The following ZNF365 variants were observed in gnomAD, a reference collection of about 807,000 sequenced individuals.
ZNF365 encodes zinc finger protein 365, also known as protein ZNF365.
Under a neutral mutation model 35.0 loss-of-function variants are expected in ZNF365, and 22 were observed. That is an observed-to-expected ratio of 0.63 (90% CI 0.45 to 0.90). The LOEUF is 0.90. ZNF365 is among the 40% of genes least tolerant of loss of function. The pLI, the probability that ZNF365 is intolerant of heterozygous loss-of-function variation, is 0.00. For synonymous variants in ZNF365, 188 were observed against 196.2 expected (o/e 0.96, Z 0.35); for missense variants, 448 against 500.3 (o/e 0.90, Z 1.00).
chr10:62,433,284 C>A (rs1012267473), intron 3 of ZNF365, among the ~76,000 whole-genome samples: 1 of 152,144 alleles, frequency 6.6e-6, no homozygotes, highest in African/African-American at 2.4e-5. Flanking sequence ...AGACAGTAGA[C>A]AAATGACTCA....
chr10:62,379,023 G>GCT (rs1839383574), intron 2 of ZNF365, among the ~76,000 whole-genome samples: 23 of 118,024 alleles, frequency 1.9e-4, no homozygotes, highest in Non-Finnish European at 3.3e-4. Context: ...ATTACGAGTT[G>GCT]ATTTTTTTTT....
intron 3 of ZNF365, among the ~76,000 whole-genome samples, chr10:62,434,842 C>G (rs1367887745): frequency 6.6e-6 from 1 of 152,178 alleles, no homozygotes; most frequent in Non-Finnish European, 1.5e-5. Context: ...AGAGTGAAAA[C>G]TCATCAATCA....
At chr10:62,423,249 G>A (rs1840201773) in intron 3 of ZNF365, among the ~76,000 whole-genome samples, 1 of 151,734 alleles carries the variant, frequency 6.6e-6, no homozygotes, top group Admixed American at 6.6e-5. Flanking sequence ...AAAGGAGTTA[G>A]TATAGTAAGA....
At chr10:62,468,614 C>T (rs989378245) in intron 4 of ZNF365, among the ~76,000 whole-genome samples, 3 of 151,968 alleles carry the variant, frequency 2.0e-5, no homozygotes, top group African/African-American at 4.8e-5. Context: ...AGGACAATGC[C>T]CCCCCAGATT....
chr10:62,471,674 G>A (rs919845851), intron 4 of ZNF365, among the ~76,000 whole-genome samples: 2 of 151,992 alleles, frequency 1.3e-5, no homozygotes, highest in Admixed American at 1.3e-4. Context: ...TATATTCTTG[G>A]CATGGATGTA....
At chr10:62,448,363 G>A (rs1344930762) in intron 3 of ZNF365, among the ~76,000 whole-genome samples, 1 of 152,170 alleles carries the variant, frequency 6.6e-6, no homozygotes, top group Non-Finnish European at 1.5e-5. Flanking sequence ...CTAGAGTGGG[G>A]GACAGCTATG....
At chr10:62,474,493 ATGAG>A (rs1271082726) in intron 4 of ZNF365, among the ~76,000 whole-genome samples, 1 of 152,126 alleles carries the variant, frequency 6.6e-6, no homozygotes, top group Admixed American at 6.6e-5. Context: ...GTTTGAAAGA[ATGAG>A]AGAGAGAGAG....
intron 2 of ZNF365, among the ~76,000 whole-genome samples, chr10:62,387,760 G>A (rs1289036214): frequency 3.3e-5 from 5 of 152,120 alleles, no homozygotes; most frequent in Non-Finnish European, 7.4e-5. Context: ...CTCATTTGAT[G>A]TGCTGTTTTG....
At chr10:62,394,123 A>AT (rs1839681994) in intron 3 of ZNF365, among the ~76,000 whole-genome samples, 1 of 152,100 alleles carries the variant, frequency 6.6e-6, no homozygotes, top group Non-Finnish European at 1.5e-5. Flanking sequence ...CAGATTTTAG[A>AT]TTTTTTTAGA....
rs1589423415 is a variant in ZNF365, at chr10:62,376,259, G to C, written c.66G>C (p.Val22=). The C allele has an allele frequency of 6.2e-7, 1 of 1,614,088 alleles. No individual in the cohort carries two copies. ...AGGAGTCCTTTGAGAATGTTGCTGT[G>C]TGCCTGCCATTACGCTGCCCGAGGT... is the stretch of plus-strand genomic sequence containing the variant. ...PWQESFENVA[V]CLPLRCPRCG... The change falls in exon 2 of 5, where the codon GTG becomes GTC. Residue 22 remains valine, a synonymous_variant. Coordinates refer to ENST00000395254, the MANE Select transcript of ZNF365 (RefSeq NM_014951.3).
intron 3 of ZNF365, among the ~76,000 whole-genome samples, chr10:62,446,624 T>A (rs779887250): frequency 3.3e-5 from 5 of 152,094 alleles, no homozygotes; most frequent in Admixed American, 6.6e-5. Context: ...TATCATAATA[T>A]AATTTGAAAA....
intron 3 of ZNF365, among the ~76,000 whole-genome samples, chr10:62,418,959 C>T (rs79377421): frequency 0.022 from 3,296 of 152,108 alleles, 120 homozygotes; most frequent in African/African-American, 0.075. Context: ...AAACAAAGAA[C>T]CTTAAGCACA....
intron 3 of ZNF365, among the ~76,000 whole-genome samples, chr10:62,395,692 A>C (rs542939974): frequency 6.6e-6 from 1 of 151,982 alleles, no homozygotes; most frequent in African/African-American, 2.4e-5. Flanking sequence ...AATCCAAAAC[A>C]TTTTGAGTGC....
rs532520315 is a variant in ZNF365 at position 62,476,454 on chromosome 10, T to C, written c.982-3422T>C. Among the ~76,000 whole-genome samples the C allele has an allele frequency of 3.3e-5, 5 of 152,204 alleles. No individual in the cohort carries two copies. In the East Asian group the frequency reaches 9.6e-4, roughly 29 times the overall value. Reference sequence around the variant, plus strand: ...TGGGATAGCAGCCAACAATTAGATATTTTGGAGGGATGAGAAACTTTCATG... The same window carrying C: ...TGGGATAGCAGCCAACAATTAGATACTTTGGAGGGATGAGAAACTTTCATG... On this transcript the variant is annotated intron_variant, in intron 4 of 4. Coordinates refer to the ZNF365 transcript ENST00000395255.
intron 3 of ZNF365, among the ~76,000 whole-genome samples, chr10:62,419,163 A>C (rs898775736): frequency 2.0e-5 from 3 of 152,144 alleles, no homozygotes; most frequent in African/African-American, 4.8e-5. Flanking sequence ...AAGATAGTGT[A>C]ACATATGTTA....
chr10:62,399,464 A>C (rs1564574173), intron 4 of ZNF365, 64 bp from the exon 5 acceptor site: 1 of 1,576,242 alleles, frequency 6.3e-7, no homozygotes, highest in African/African-American at 1.4e-5. Flanking sequence ...TATTCTTTTA[A>C]GGTTTTAAAG....
intron 3 of ZNF365, among the ~76,000 whole-genome samples, chr10:62,424,201 G>C (rs1840217395): frequency 6.6e-6 from 1 of 152,158 alleles, no homozygotes; most frequent in Non-Finnish European, 1.5e-5. Flanking sequence ...ATGAAGCTTA[G>C]TTTGATTTTG....
intron 3 of ZNF365, among the ~76,000 whole-genome samples, chr10:62,450,573 G>C (rs1242253337): frequency 6.6e-6 from 1 of 152,146 alleles, no homozygotes; most frequent in African/African-American, 2.4e-5. Flanking sequence ...AAACTCCAGA[G>C]GCATGCAGCT....
chr10:62,440,894 G>T (rs555431232), intron 3 of ZNF365, among the ~76,000 whole-genome samples: 39 of 152,232 alleles, frequency 2.6e-4, no homozygotes, highest in African/African-American at 9.4e-4. Context: ...TACATCATCC[G>T]ATCTCTAAAG....
Sources: gnomAD v4.1 joint callset for allele counts (sites outside exome capture counted in the v4.1 genomes callset) on GRCh38, gnomAD v4.1.1 for gene constraint, MANE v1.5 for transcripts, NCBI Gene and HGNC (gene_info 2026-07-23, HGNC 2026-07-21) for gene names.